Variants in NAV2 observed in about 807,000 individuals in gnomAD.
The protein encoded by NAV2 is neuron navigator 2.
In NAV2, 54 loss-of-function variants were observed where a neutral mutation model predicts 223.2. The ratio of observed to expected loss-of-function variants is 0.24; its 90% confidence interval spans 0.19 to 0.30. The LOEUF is 0.30. Among genes scored for constraint, NAV2 ranks in the 10% least tolerant of loss-of-function variants. NAV2 has a pLI of 1.00. For synonymous variants in NAV2, 1,279 were observed against 1,239.3 expected (o/e 1.03, Z -0.67); for missense variants, 2,806 against 3,147.5 (o/e 0.89, Z 2.60).
chr11:19,649,828 C>T (rs2047917430), intron 1 of NAV2, among the ~76,000 whole-genome samples: 1 of 152,108 alleles, frequency 6.6e-6, no homozygotes. Context: ...TAAATAAGCA[C>T]ATGAAAAGAC....
chr11:19,463,952 C>A (rs1039661020), intron 1 of NAV2, among the ~76,000 whole-genome samples: 2 of 152,002 alleles, frequency 1.3e-5, no homozygotes, highest in African/African-American at 4.8e-5. Flanking sequence ...CCATGCTGCA[C>A]CCGGAAAGAA....
At chr11:19,378,913 G>A (rs1848737871) in intron 1 of NAV2, among the ~76,000 whole-genome samples, 1 of 152,168 alleles carries the variant, frequency 6.6e-6, no homozygotes. Flanking sequence ...TCGGTGCTGG[G>A]CATGTGGAGA....
chr11:20,069,673 C>A (rs1379803692), intron 22 of NAV2, among the ~76,000 whole-genome samples: 2 of 152,152 alleles, frequency 1.3e-5, no homozygotes, highest in Non-Finnish European at 2.9e-5. Flanking sequence ...GAGTTCACCA[C>A]CCAGCCTGAG....
chr11:19,954,127 T>A (rs548687542), intron 10 of NAV2, among the ~76,000 whole-genome samples: 2 of 152,328 alleles, frequency 1.3e-5, no homozygotes, highest in African/African-American at 4.8e-5. Flanking sequence ...TGATAGAGGC[T>A]GTGGTCTCAA....
intron 11 of NAV2, among the ~76,000 whole-genome samples, chr11:20,011,582 A>G (rs976129737): frequency 3.9e-5 from 6 of 152,250 alleles, no homozygotes; most frequent in African/African-American, 1.4e-4. Flanking sequence ...CACATCGCTT[A>G]AGCAACGTGT....
At chr11:19,432,619 G>T (rs1851075946) in intron 1 of NAV2, among the ~76,000 whole-genome samples, 1 of 152,174 alleles carries the variant, frequency 6.6e-6, no homozygotes, top group African/African-American at 2.4e-5. Context: ...TGGAGAGCGA[G>T]GCAGTGGGGG....
intron 3 of NAV2, among the ~76,000 whole-genome samples, chr11:19,865,913 T>C (rs1426280283): frequency 1.3e-5 from 2 of 152,212 alleles, no homozygotes; most frequent in African/African-American, 4.8e-5. Context: ...TGAATCGCAC[T>C]GTGGACCCTA....
chr11:19,587,440 C>G (rs145445008), intron 1 of NAV2, among the ~76,000 whole-genome samples: 1 of 152,176 alleles, frequency 6.6e-6, no homozygotes, highest in Non-Finnish European at 1.5e-5. Context: ...CAGTTGGAAA[C>G]GCAGAAATCA....
intron 37 of NAV2, among the ~76,000 whole-genome samples, chr11:20,116,571 G>A (rs887212858): frequency 6.6e-6 from 1 of 152,196 alleles, no homozygotes; most frequent in Non-Finnish European, 1.5e-5. Flanking sequence ...AGTATATTTA[G>A]AGGAAAGAAT....
At position 20,043,890 on chromosome 11, in the gene NAV2, A is replaced by T. The variant is rs2057191945; in HGVS notation, c.2908-91A>T. 3 of 1,141,700 alleles carry T rather than the reference A, an allele frequency of 2.6e-6. No individual in the cohort carries two copies. In the Admixed American group the frequency reaches 5.9e-5, roughly 22 times the overall value. 70.7% of individuals were successfully genotyped at this position (1,141,700 alleles called of 1,614,324 possible). ...AGTAATGCTTATTTTTCCCTTAACT[A>T]CTCCAGTGTTTTGGCATTTTTGCCT... On this transcript the variant is annotated intron_variant, in intron 12 of 37. Transcript: ENST00000349880.
rs576065550 is a variant in NAV2, at chr11:19,398,802, C to T, written c.75+47775C>T. On this transcript the variant is annotated intron_variant, in intron 1 of 37. Coordinates refer to the NAV2 transcript ENST00000360655. ...GCAGCAGCCTGCCCTGCTGGGGATC[C>T]GGGCCCCTCCTTCCCCCCACAGACA... 3.3e-5 allele frequency among the ~76,000 whole-genome samples: 5 copies of T among 152,302 alleles called. No individual in the cohort carries two copies. The East Asian group carries it at 7.7e-4, about 24-fold the overall frequency.
chr11:19,714,027 T>G (rs2050067474), intron 1 of NAV2, 65 bp downstream of exon 1: 2 of 1,579,066 alleles, frequency 1.3e-6, no homozygotes, highest in African/African-American at 1.3e-5. Context: ...TTCGGGATGG[T>G]GTGGGAGAAA....
chr11:19,482,235 C>T (rs1039552472), intron 1 of NAV2, among the ~76,000 whole-genome samples: 1 of 152,116 alleles, frequency 6.6e-6, no homozygotes, highest in Non-Finnish European at 1.5e-5. Context: ...AACTGAAGCC[C>T]ATCTACGTTC....
At chr11:19,383,668 A>G (rs1848929731) in intron 1 of NAV2, among the ~76,000 whole-genome samples, 1 of 152,132 alleles carries the variant, frequency 6.6e-6, no homozygotes, top group Admixed American at 6.5e-5. Flanking sequence ...AATCTCTCTG[A>G]ACTCCATGGG....
chr11:19,477,307 T>G (rs2042148423), intron 1 of NAV2, among the ~76,000 whole-genome samples: 1 of 152,238 alleles, frequency 6.6e-6, no homozygotes, highest in African/African-American at 2.4e-5. Flanking sequence ...GCCACTTACA[T>G]TACACCAAAA....
chr11:20,045,069 G>A lies in NAV2; in HGVS notation c.3301G>A (p.Glu1101Lys), dbSNP rs774747436. Residue 1101 changes from glutamate to lysine, a missense_variant, in exon 14 of 38, where the codon GAA (glutamate) becomes AAA (lysine). Physicochemically the swap from Glu to Lys is moderately conservative, Grantham distance 56. Around this residue, in one of 4 missense-constraint regions of NAV2, gnomAD observed 742 missense variants for 777.9 expected, o/e 0.95. Coordinates refer to ENST00000349880, the MANE Select transcript of NAV2 (RefSeq NM_145117.5). ...PSDAGRSSGDESKKPLPSSSR... is the reference protein window; with the variant it reads ...PSDAGRSSGDKSKKPLPSSSR... ...AGATGCAGGCCGGAGCAGTGGTGAC[G>A]AATCCAAAAAGCCCCTCCCCAGCAG... 5.6e-6 allele frequency: 9 copies of A among 1,614,126 alleles called. No individual in the cohort carries two copies. Among genetic ancestry groups the A allele is most frequent in the East Asian group, 4.5e-5 (2 of 44,872 alleles).
At chr11:19,358,356 C>T (rs1423230799) in intron 1 of NAV2, among the ~76,000 whole-genome samples, 2 of 152,052 alleles carry the variant, frequency 1.3e-5, no homozygotes, top group African/African-American at 2.4e-5. Context: ...GCTGAAGAAG[C>T]CAAGTCAGGG....
intron 2 of NAV2, among the ~76,000 whole-genome samples, chr11:19,836,582 G>T (rs1590813683): frequency 7.1e-6 from 1 of 141,012 alleles, no homozygotes; most frequent in African/African-American, 2.7e-5. Flanking sequence ...AAAAAAAAAA[G>T]CTCCGATCTG....
chr11:19,805,160 T>C (rs561645649), intron 1 of NAV2, among the ~76,000 whole-genome samples: 2 of 152,258 alleles, frequency 1.3e-5, no homozygotes, highest in African/African-American at 4.8e-5. Flanking sequence ...TTCTGACAGG[T>C]CTTCCAATTT....
Sources: gnomAD v4.1 joint callset for allele counts (sites outside exome capture counted in the v4.1 genomes callset) on GRCh38, gnomAD v4.1.1 for gene constraint, gnomAD v4.1.1 regional missense constraint, MANE v1.5 for transcripts, NCBI Gene and HGNC (gene_info 2026-07-23, HGNC 2026-07-21) for gene names.